Variants in KLHL3 observed in about 807,000 individuals in gnomAD.
KLHL3 encodes kelch-like protein 3.
KLHL3 carries 19 observed loss-of-function variants against 70.5 expected under a neutral mutation model. The observed-to-expected ratio is 0.27, with a 90% confidence interval of 0.19 to 0.40. The LOEUF (loss-of-function observed/expected upper bound fraction) is 0.40, where lower values mean the gene tolerates loss of function less well. Ranked by LOEUF, KLHL3 falls within the 10% of genes least tolerant of loss-of-function variation. The pLI is 1.00. For synonymous variants in KLHL3, 258 were observed against 290.3 expected, an observed-to-expected ratio of 0.89 and a Z score of 1.13; for missense variants, 512 against 771.1, an observed-to-expected ratio of 0.66 and a Z score of 3.98.
intron 6 of KLHL3, among the ~76,000 whole-genome samples, chr5:137,663,738 C>T (rs1251935156): frequency 6.6e-6 from 1 of 152,182 alleles, no homozygotes; most frequent in Admixed American, 6.5e-5. Context: ...AGAGTGCCAA[C>T]TCTATTTTCG....
At chr5:137,710,253 G>A (rs116592670) in intron 2 of KLHL3, among the ~76,000 whole-genome samples, 3 of 152,158 alleles carry the variant, frequency 2.0e-5, no homozygotes, top group African/African-American at 7.2e-5. Flanking sequence ...GAGCATACCA[G>A]TGAAGTGTGT....
intron 8 of KLHL3, among the ~76,000 whole-genome samples, chr5:137,647,295 T>C (rs756774615): frequency 6.6e-6 from 1 of 152,164 alleles, no homozygotes; most frequent in Non-Finnish European, 1.5e-5. Context: ...ATTGAAGGCA[T>C]GTTGGTCCCT....
chr5:137,728,619 C>T (rs983125403), intron 1 of KLHL3, among the ~76,000 whole-genome samples: 4 of 152,128 alleles, frequency 2.6e-5, no homozygotes. Flanking sequence ...TGTGTCAGTT[C>T]TTAGACTCTT....
intron 5 of KLHL3, among the ~76,000 whole-genome samples, chr5:137,691,617 T>C (rs1338327434): frequency 6.8e-6 from 1 of 146,448 alleles, no homozygotes; most frequent in African/African-American, 2.5e-5. Context: ...TACGTGACTT[T>C]TTTTTTTTTT....
At chr5:137,647,810 G>A (rs896556618) in intron 8 of KLHL3, among the ~76,000 whole-genome samples, 6 of 152,176 alleles carry the variant, frequency 3.9e-5, no homozygotes, top group African/African-American at 1.4e-4. Flanking sequence ...CGGGGGGAGA[G>A]AAGAGGAGTG....
chr5:137,652,221 C>CA (rs1751218768), intron 8 of KLHL3, among the ~76,000 whole-genome samples: 1 of 152,046 alleles, frequency 6.6e-6, no homozygotes, highest in African/African-American at 2.4e-5. Context: ...TATGCACTTC[C>CA]AAATACAGTA....
intron 12 of KLHL3, chr5:137,629,409 C>T (rs1183861595): frequency 6.6e-6 from 1 of 152,234 alleles, no homozygotes; most frequent in Non-Finnish European, 1.5e-5. Context: ...CAGGCTGCAT[C>T]TCAATCGACT....
In KLHL3 at chr5:137,717,090, T is replaced by C. The variant is rs576519167; in HGVS notation, c.134+3375A>G. ...GGCCAAACTTTCATTTTGTCCTATC[T>C]CTGCCAGGGCAGTGTGCCTGCCTGC... On this transcript the variant is annotated intron_variant, in intron 2 of 14. Transcript: ENST00000309755. Among the ~76,000 whole-genome samples the C allele has an allele frequency of 6.6e-5, 10 of 152,368 alleles. No homozygotes were observed. The East Asian group carries it at 1.7e-3, about 26-fold the overall frequency.
At chr5:137,643,736 G>C (rs1251847531) in intron 8 of KLHL3, among the ~76,000 whole-genome samples, 1 of 152,106 alleles carries the variant, frequency 6.6e-6, no homozygotes, top group Non-Finnish European at 1.5e-5. Context: ...TTTGTGGTGA[G>C]AACATTCAAA....
intron 6 of KLHL3, among the ~76,000 whole-genome samples, chr5:137,663,056 C>CTTTTTTTTTT (rs139890036): frequency 1.4e-4 from 11 of 77,918 alleles, no homozygotes; most frequent in South Asian, 5.4e-4. Context: ...AGCACTCGTT[C>CTTTTTTTTTT]TTTTTTTTTT....
At chr5:137,635,955 T>C (rs1291091558) in intron 11 of KLHL3, among the ~76,000 whole-genome samples, 1 of 152,186 alleles carries the variant, frequency 6.6e-6, no homozygotes, top group Non-Finnish European at 1.5e-5. Context: ...GGTTCCTCCT[T>C]GAGTCTATTA....
At chr5:137,671,471 T>A (rs1751757148) in intron 6 of KLHL3, among the ~76,000 whole-genome samples, 1 of 152,190 alleles carries the variant, frequency 6.6e-6, no homozygotes, top group African/African-American at 2.4e-5. Context: ...TGACTACCTG[T>A]CACTCATCTC....
rs537740007 is a variant in KLHL3 at position 137,735,735 on chromosome 5, T to C, written c.-89A>G. On this transcript the variant is annotated 5_prime_UTR_variant, in exon 1 of 15. Transcript: ENST00000309755. ...GTTCTTGATTCTCCCAGCAGACCAG[T>C]GGGAAATCTGATCAGCAACAGTGAT... 5 of 1,575,998 alleles carry C rather than the reference T, an allele frequency of 3.2e-6. No individual in the cohort carries two copies. The East Asian group carries it at 6.7e-5, about 21-fold the overall frequency.
At chr5:137,687,149 G>A (rs1752199603) in intron 5 of KLHL3, among the ~76,000 whole-genome samples, 4 of 72,460 alleles carry the variant, frequency 5.5e-5, no homozygotes, top group Admixed American at 1.3e-4. Context: ...CTGGCCAGCC[G>A]CCCCGTCCGG....
chr5:137,654,208 C>T (rs1291747754), intron 8 of KLHL3, among the ~76,000 whole-genome samples: 1 of 152,202 alleles, frequency 6.6e-6, no homozygotes, highest in African/African-American at 2.4e-5. Context: ...AAACTTATCA[C>T]ATTGTATCTC....
chr5:137,733,398 A>G (rs1176609441), intron 1 of KLHL3, among the ~76,000 whole-genome samples: 1 of 152,214 alleles, frequency 6.6e-6, no homozygotes, highest in Non-Finnish European at 1.5e-5. Flanking sequence ...ATCAGCTAAT[A>G]ACTATTCAGC....
chr5:137,674,287 C>T (rs143289819), intron 6 of KLHL3, among the ~76,000 whole-genome samples: 3 of 152,196 alleles, frequency 2.0e-5, no homozygotes, highest in Non-Finnish European at 2.9e-5. Flanking sequence ...ACTCCAGCAG[C>T]GACAAGCAGA....
chr5:137,725,942 C>T (rs1020457615), intron 1 of KLHL3, among the ~76,000 whole-genome samples: 18 of 152,200 alleles, frequency 1.2e-4, no homozygotes, highest in African/African-American at 2.9e-4. Flanking sequence ...AGCTTCATAG[C>T]CATAAGGATA....
chr5:137,667,469 G>T (rs939703536), intron 6 of KLHL3, among the ~76,000 whole-genome samples: 1 of 152,186 alleles, frequency 6.6e-6, no homozygotes, highest in Non-Finnish European at 1.5e-5. Context: ...CTGTCAAGTG[G>T]AAAGGAGTTG....
Sources: allele counts gnomAD v4.1 joint callset (sites outside exome capture counted in the v4.1 genomes callset), GRCh38; gene constraint gnomAD v4.1.1; transcripts MANE v1.5; gene names NCBI Gene and HGNC (gene_info 2026-07-23, HGNC 2026-07-21).